SH3BP5L: variants seen among roughly 807,000 people sequenced by gnomAD.
SH3BP5L encodes SH3 domain-binding protein 5-like.
SH3BP5L carries 16 observed loss-of-function variants against 40.9 expected under a neutral mutation model. The ratio of observed to expected loss-of-function variants is 0.39; its 90% confidence interval spans 0.27 to 0.59. The LOEUF (loss-of-function observed/expected upper bound fraction) is 0.59, where lower values mean the gene tolerates loss of function less well. Among genes scored for constraint, SH3BP5L ranks in the 20% least tolerant of loss-of-function variants. SH3BP5L has a pLI of 0.53. For missense variants in SH3BP5L, 471 were observed against 544.6 expected, an observed-to-expected ratio of 0.86 and a Z score of 1.35; for synonymous variants, 229 against 226.7, an observed-to-expected ratio of 1.01 and a Z score of -0.09.
chr1:248,825,656 C>G (rs1336129924), intron 1 of SH3BP5L, 179 bp downstream of exon 1: 1 of 176,168 alleles, frequency 5.7e-6, no homozygotes, highest in Non-Finnish European at 1.1e-5. Context: ...GCTCGTCCCA[C>G]TCCACCCCAG....
Position 248,811,830 on chromosome 1 carries a change from G to C in SH3BP5L, c.*70C>G. Reference sequence around the variant, plus strand: ...GGGAAGACGAGGCCCCAGAGGAGAGGGCGTGAGAAGACTGTGGGCCCCAAC... The same window carrying C: ...GGGAAGACGAGGCCCCAGAGGAGAGCGCGTGAGAAGACTGTGGGCCCCAAC... On this transcript the variant is annotated 3_prime_UTR_variant, in exon 7 of 7. Transcript: ENST00000366472. 8.7e-7 allele frequency: 1 copy of C among 1,146,100 alleles called. No homozygotes were observed. Among genetic ancestry groups the C allele is most frequent in the Non-Finnish European group, 1.2e-6 (1 of 826,002 alleles). 71.0% of individuals were successfully genotyped at this position (1,146,100 alleles called of 1,614,324 possible).
In SH3BP5L at chr1:248,810,502, TTACACACCAGCACA is replaced by T. The variant is rs1456881235; in HGVS notation, c.*1384_*1397del. The T allele has an allele frequency of 2.0e-5, 3 of 152,370 alleles. No individual in the cohort carries two copies. Among genetic ancestry groups the T allele is most frequent in the Non-Finnish European group, 4.4e-5 (3 of 68,100 alleles). The allele number at this position is 152,370 out of a possible 1,614,324, so 9.4% of individuals were successfully genotyped here. Reference sequence around the variant, plus strand: ...AAAACCAGGAAAGACCCTTTCCCCCTTACACACCAGCACATGCACACACGCACACCCACACCCTC... The same window carrying T: ...AAAACCAGGAAAGACCCTTTCCCCCTTGCACACACGCACACCCACACCCTC... On this transcript the variant is annotated 3_prime_UTR_variant, in exon 7 of 7. Transcript: ENST00000366472.
intron 5 of SH3BP5L, 92 bp downstream of exon 5, chr1:248,814,357 T>C: frequency 1.5e-6 from 2 of 1,378,858 alleles, no homozygotes; most frequent in Non-Finnish European, 2.0e-6. Context: ...AAGGCTAGAA[T>C]AGAGGGAAGA....
intron 2 of SH3BP5L, among the ~76,000 whole-genome samples, chr1:248,818,879 C>G (rs1664179770): frequency 6.6e-6 from 1 of 152,226 alleles, no homozygotes; most frequent in Non-Finnish European, 1.5e-5. Flanking sequence ...TGTCTCTGGA[C>G]AGGAGGCTGG....
chr1:248,824,848 TCCTA>T lies in SH3BP5L; in HGVS notation c.84_87del (p.Arg29AlafsTer38). The T allele has an allele frequency of 6.2e-7, 1 of 1,614,150 alleles. No individual in the cohort carries two copies. The highest frequency in any genetic ancestry group is 8.5e-7 in the Non-Finnish European group (1 of 1,180,018). On this transcript the variant is annotated frameshift_variant, in exon 2 of 7. Transcript: ENST00000366472. LOFTEE classifies it high-confidence loss of function. ...CCTCCAGGCTCTTCTGCGACTGGGC[TCCTA>T]GGGACTTCATCCTCTACAACTTCAG... is the stretch of plus-strand genomic sequence containing the variant.
In SH3BP5L at chr1:248,821,436, G is replaced by C. The variant is rs148346314; in HGVS notation, c.183+3317C>G. 2.9e-4 allele frequency among the ~76,000 whole-genome samples: 44 copies of C among 152,240 alleles called. No homozygotes were observed. Among genetic ancestry groups the C allele is most frequent in the African/African-American group, 9.4e-4 (39 of 41,546 alleles). ...GCTGCAGATGCTCCCACCCCACCTA[G>C]TGCAGACCATCAAAAGACTCAAACT... On this transcript the variant is annotated intron_variant, in intron 2 of 6. Transcript: ENST00000366472. This position sits in a 1 kb window ranked among gnomAD's most constrained non-coding sequence, Gnocchi z 4.6.
Position 248,812,426 on chromosome 1 carries a change from A to C in SH3BP5L, c.712-56T>G. ...CATGGGGCACGTCTCCACCTTCCTC[A>C]GCACTCTGCACTGAGGTCTGAGGGC... On this transcript the variant is annotated intron_variant, in intron 6 of 6. Transcript: ENST00000366472. This position sits in a 1 kb window ranked among gnomAD's most constrained non-coding sequence, Gnocchi z 6.1. The C allele has an allele frequency of 2.1e-6, 3 of 1,396,642 alleles. No individual in the cohort carries two copies. Among genetic ancestry groups the C allele is most frequent in the Non-Finnish European group, 3.0e-6 (3 of 1,004,134 alleles). 86.5% of individuals were successfully genotyped at this position (1,396,642 alleles called of 1,614,324 possible). A position where few individuals can be genotyped will look rare whatever the true frequency, so the allele number is the denominator to read the frequency against.
At position 248,812,364 on chromosome 1, in the gene SH3BP5L, T is replaced by C; in HGVS notation, c.718A>G (p.Lys240Glu). 1 of 1,603,980 alleles carries C rather than the reference T, an allele frequency of 6.2e-7. No individual in the cohort carries two copies. The highest frequency in any genetic ancestry group is 8.5e-7 in the Non-Finnish European group (1 of 1,179,888). The change falls in exon 7 of 7, where the codon AAG (lysine) becomes GAG (glutamate). Residue 240 changes from lysine to glutamate, a missense_variant. Around this residue, in one of 2 missense-constraint regions of SH3BP5L, gnomAD observed 275 missense variants for 370.1 expected, o/e 0.74. Transcript: ENST00000366472. The surrounding 1 kb of genome is among the most constrained non-coding windows in gnomAD (Gnocchi z 6.1). ...TGCTCCAGTTCTGTCACCTTGGCCT[T>C]GTGCTCCTGCAGAGGGCAGAGCAGA... ...AQFSQILEEH[K>E]AKVTELEQQV...
rs763794561 is a variant in SH3BP5L at position 248,811,962 on chromosome 1, C to A, written c.1120G>T (p.Gly374Trp). The change falls in exon 7 of 7, where the codon GGG becomes TGG. Residue 374 changes from glycine (G) to tryptophan (W), a missense_variant. Around this residue, in one of 2 missense-constraint regions of SH3BP5L, gnomAD observed 196 missense variants for 174.6 expected, o/e 1.12. Coordinates refer to ENST00000366472, the MANE Select transcript of SH3BP5L (RefSeq NM_030645.3). ...DGQELGTRSG[G>W]RRGSDGGARG... ...GCTCCGCCGTCGCTGCCCCGGCGCC[C>A]TCCACTCCGCGTTCCCAGCTCTTGG... 1 of 1,584,068 alleles carries A rather than the reference C, an allele frequency of 6.3e-7. No individual in the cohort carries two copies. The highest frequency in any genetic ancestry group is 8.6e-7 in the Non-Finnish European group (1 of 1,166,090).
rs565876646 is a variant in SH3BP5L at position 248,820,155 on chromosome 1, G to A, written c.184-3271C>T. On this transcript the variant is annotated intron_variant, in intron 2 of 6. Transcript: ENST00000366472. ...GGGTGGCGAAGGTCTAGAAGTTGTT[G>A]TATTTGGGTAGATGCATCTACAGTG... Among the ~76,000 whole-genome samples the A allele has an allele frequency of 2.0e-4, 30 of 152,252 alleles. 1 individual carries two copies. The South Asian group carries it at 6.2e-3, about 32-fold the overall frequency.
chr1:248,822,043 A>C (rs1174473219), intron 2 of SH3BP5L, among the ~76,000 whole-genome samples: 1 of 152,188 alleles, frequency 6.6e-6, no homozygotes, highest in Non-Finnish European at 1.5e-5. Flanking sequence ...GACTAAGAGA[A>C]TCCACATGTC....
chr1:248,816,801 C>G, intron 3 of SH3BP5L, 21 bp downstream of exon 3: 1 of 1,614,060 alleles, frequency 6.2e-7, no homozygotes, highest in Non-Finnish European at 8.5e-7. Flanking sequence ...AGCCCAAGCA[C>G]ATAAGGAAAA....
Position 248,821,714 on chromosome 1 carries a change from A to C in SH3BP5L, c.183+3039T>G, listed in dbSNP as rs1002971036. 6.6e-6 allele frequency among the ~76,000 whole-genome samples: 1 copy of C among 152,018 alleles called. No homozygotes were observed. The highest frequency in any genetic ancestry group is 2.4e-5 in the African/African-American group (1 of 41,368). ...GAACCCTCTCGGAAAGCTGAGGATGAGCCTGGAGGACTCAAAAGAACTCCA... is the reference window on the plus strand; with the variant it reads ...GAACCCTCTCGGAAAGCTGAGGATGCGCCTGGAGGACTCAAAAGAACTCCA... On this transcript the variant is annotated intron_variant, in intron 2 of 6. Coordinates refer to ENST00000366472, the MANE Select transcript of SH3BP5L (RefSeq NM_030645.3). The surrounding 1 kb of genome is among the most constrained non-coding windows in gnomAD (Gnocchi z 4.6).
Position 248,825,881 on chromosome 1 carries a change from TCCC to T in SH3BP5L, c.-481_-479del. 1.1e-6 allele frequency: 1 copy of T among 941,852 alleles called. No homozygotes were observed. Among genetic ancestry groups the T allele is most frequent in the Non-Finnish European group, 1.3e-6 (1 of 794,206 alleles). 58.3% of individuals were successfully genotyped at this position (941,852 alleles called of 1,614,324 possible). On this transcript the variant is annotated 5_prime_UTR_variant, in exon 1 of 7. Transcript: ENST00000366472. Reference sequence around the variant, plus strand: ...CGGAGCTTCTATGCTGCAAACAATCTCCCCCCCTCCCTCCCCGCAACAAGCCGA... The same window carrying T: ...CGGAGCTTCTATGCTGCAAACAATCTCCCCTCCCTCCCCGCAACAAGCCGA...
At position 248,814,525 on chromosome 1, in the gene SH3BP5L, G is replaced by A; in HGVS notation, c.461C>T (p.Ala154Val). 2 of 1,614,214 alleles carry A rather than the reference G, an allele frequency of 1.2e-6. No homozygotes were observed. The highest frequency in any genetic ancestry group is 1.7e-6 in the Non-Finnish European group (2 of 1,180,050). ...CTTGTCAGCCATGACGCCCTGCTCA[G>A]CCACAAACACCATTTCTCGAGCAGC... Reference protein sequence around the residue: ...HNAAREMVFVAEQGVMADKNR... With the variant: ...HNAAREMVFVVEQGVMADKNR... The change falls in exon 5 of 7, where the codon GCT becomes GTT. Residue 154 changes from alanine to valine, a missense_variant. By Grantham distance (64) the Ala-to-Val change is moderately conservative (BLOSUM62 0). Transcript: ENST00000366472.
intron 2 of SH3BP5L, 63 bp from the exon 3 acceptor site, chr1:248,816,947 A>C: frequency 6.2e-7 from 1 of 1,612,428 alleles, no homozygotes; most frequent in Non-Finnish European, 8.5e-7. Flanking sequence ...TGAACCATGC[A>C]AGGCAGGAGC....
rs200141045 is a variant in SH3BP5L at position 248,816,705 on chromosome 1, C to T, written c.247-43G>A. 6 of 1,613,714 alleles carry T rather than the reference C, an allele frequency of 3.7e-6. No individual in the cohort carries two copies. In the Admixed American group the frequency reaches 1.0e-4, roughly 27 times the overall value. On this transcript the variant is annotated intron_variant, in intron 3 of 6. Transcript: ENST00000366472. ...AGAGGAAAGGCACATGTTTGGGTCCCAGCCCCTCTTGTTTCTCAGACACAC... is the reference window on the plus strand; with the variant it reads ...AGAGGAAAGGCACATGTTTGGGTCCTAGCCCCTCTTGTTTCTCAGACACAC...
intron 2 of SH3BP5L, among the ~76,000 whole-genome samples, chr1:248,818,758 C>T (rs75054215): frequency 0.025 from 3,868 of 152,336 alleles, 172 homozygotes; most frequent in African/African-American, 0.087. Context: ...GTTCCCAGAG[C>T]CCCTGGTGAG....
rs1266946985 is a variant in SH3BP5L, at chr1:248,814,548, A to C, written c.438T>G (p.Ala146=). 1.2e-6 allele frequency: 2 copies of C among 1,614,112 alleles called. No individual in the cohort carries two copies. Among genetic ancestry groups the C allele is most frequent in the Admixed American group, 1.7e-5 (1 of 60,000 alleles). The part of the protein sequence containing the change: ...RYERAVSMHN[A]AREMVFVAEQ... ...CAGCCACAAACACCATTTCTCGAGC[A>C]GCGTTGTGCATGCTTACGGCCCGCT... The change falls in exon 5 of 7, where the codon GCT becomes GCG. Residue 146 remains alanine, a synonymous_variant. Transcript: ENST00000366472.
Sources: gnomAD v4.1 joint callset for allele counts (sites outside exome capture counted in the v4.1 genomes callset) on GRCh38, gnomAD v4.1.1 for gene constraint, gnomAD v4.1.1 regional missense constraint, Gnocchi (gnomAD v3.1) non-coding constraint, MANE v1.5 for transcripts, NCBI Gene and HGNC (gene_info 2026-07-23, HGNC 2026-07-21) for gene names.